Variants in HEATR5B observed in about 807,000 individuals in gnomAD.
HEATR5B encodes HEAT repeat containing 5B.
In HEATR5B, 156 loss-of-function variants were observed where a neutral mutation model predicts 224.1. The ratio of observed to expected loss-of-function variants is 0.70; its 90% CI spans 0.61 to 0.80. The LOEUF (loss-of-function observed/expected upper bound fraction) is 0.80. Ranked by LOEUF, HEATR5B falls within the 30% of genes least tolerant of loss-of-function variation. The probability of loss-of-function intolerance (pLI) is 0.00; values close to 1 mark genes in which losing one functional copy is unlikely to be tolerated. For missense variants in HEATR5B, 2,323 were observed against 2,535.5 expected, an observed-to-expected ratio of 0.92 and a Z score of 1.80; for synonymous variants, 1,027 against 893.0, an observed-to-expected ratio of 1.15 and a Z score of -2.68.
intron 4 of HEATR5B, among the ~76,000 whole-genome samples, chr2:37,076,319 C>T (rs914097521): frequency 6.6e-6 from 1 of 152,056 alleles, no homozygotes; most frequent in Non-Finnish European, 1.5e-5. Context: ...AATTCTAATC[C>T]AATGACTGGT....
Position 37,053,619 on chromosome 2 carries a change from A to G in HEATR5B, c.2400-12T>C. ...CCAACATTTGTAATCTATAACAATAAGAAAAAAAAATCACATTAGTGACAA... is the reference window on the plus strand; with the variant it reads ...CCAACATTTGTAATCTATAACAATAGGAAAAAAAAATCACATTAGTGACAA... On this transcript the variant is annotated splice_polypyrimidine_tract_variant and intron_variant, in intron 16 of 35. Coordinates refer to ENST00000233099, the MANE Select transcript of HEATR5B (RefSeq NM_019024.3). 1.3e-6 allele frequency: 2 copies of G among 1,542,990 alleles called. No individual in the cohort carries two copies. The highest frequency in any genetic ancestry group is 1.8e-6 in the Non-Finnish European group (2 of 1,126,146).
rs1285670975 is a variant in HEATR5B, at chr2:37,029,975, A to AT, written c.3362-1056_3362-1055insA. Among the ~76,000 whole-genome samples the AT allele has an allele frequency of 7.3e-5, 11 of 151,220 alleles. No homozygotes were observed. The South Asian group carries it at 8.3e-4, about 11-fold the overall frequency. ...AATAAATAAATAAATAAATAAATAA[A>AT]AATTGGGAAAATCCAAAGAGTAACA... On this transcript the variant is annotated intron_variant, in intron 22 of 35. Coordinates refer to ENST00000233099, the MANE Select transcript of HEATR5B (RefSeq NM_019024.3).
At chr2:36,985,120 A>T (rs1459848131) in intron 35 of HEATR5B, among the ~76,000 whole-genome samples, 1 of 152,198 alleles carries the variant, frequency 6.6e-6, no homozygotes, top group African/African-American at 2.4e-5. Context: ...AAGTTGAACG[A>T]CTTAAATTCA....
intron 24 of HEATR5B, among the ~76,000 whole-genome samples, chr2:37,022,793 G>C (rs1407595426): frequency 6.6e-6 from 1 of 152,126 alleles, no homozygotes; most frequent in East Asian, 1.9e-4. Flanking sequence ...GCAAGTCTCA[G>C]AATAATTAAA....
intron 24 of HEATR5B, among the ~76,000 whole-genome samples, chr2:37,025,133 C>A (rs775473975): frequency 6.6e-6 from 1 of 152,132 alleles, no homozygotes; most frequent in African/African-American, 2.4e-5. Context: ...TCTGCCATGA[C>A]TGTTCAGAAT....
Position 37,060,729 on chromosome 2 carries a change from T to A in HEATR5B, c.1701A>T (p.Pro567=), listed in dbSNP as rs1219495212. The A allele has an allele frequency of 6.2e-7, 1 of 1,612,956 alleles. No individual in the cohort carries two copies. The highest frequency in any genetic ancestry group is 8.5e-7 in the Non-Finnish European group (1 of 1,179,350). Residue 567 remains proline, a synonymous_variant, in exon 12 of 36, where the codon CCA becomes CCT. Coordinates refer to ENST00000233099, the MANE Select transcript of HEATR5B (RefSeq NM_019024.3). ...TGGGCAGATGGTAACGAACGACAGA[T>A]GGTCCTAGCCAAGAAAATGAGAATA... is the stretch of plus-strand genomic sequence containing the variant. ...LLLGALMTLG[P]SVVRYHLPKM...
chr2:37,043,238 G>C (rs1669986708), intron 18 of HEATR5B, among the ~76,000 whole-genome samples: 1 of 152,182 alleles, frequency 6.6e-6, no homozygotes, highest in Non-Finnish European at 1.5e-5. Context: ...ACAGGAGATG[G>C]AACATGGCTT....
intron 26 of HEATR5B, among the ~76,000 whole-genome samples, chr2:37,017,641 C>G (rs552407407): frequency 7.6e-6 from 1 of 131,234 alleles, no homozygotes; most frequent in South Asian, 2.5e-4. Flanking sequence ...AGCCAAGATT[C>G]ATGCCACTGT....
chr2:37,081,623 A>C (rs1572958658), intron 2 of HEATR5B, among the ~76,000 whole-genome samples: 1 of 152,260 alleles, frequency 6.6e-6, no homozygotes, highest in East Asian at 1.9e-4. Context: ...GGAATGGTTG[A>C]GAGTCTAATA....
At chr2:37,028,541 CAG>C (rs900504669) in intron 23 of HEATR5B, 138 bp downstream of exon 23, 18 of 623,130 alleles carry the variant, frequency 2.9e-5, no homozygotes, top group African/African-American at 1.1e-4. Flanking sequence ...AACATTTTGA[CAG>C]AGATTTGTAG....
chr2:37,036,516 GTTT>G (rs72243792), intron 21 of HEATR5B, among the ~76,000 whole-genome samples: 4 of 148,516 alleles, frequency 2.7e-5, no homozygotes, highest in African/African-American at 7.5e-5. Context: ...AATATCAATT[GTTT>G]TTTTTTTTTG....
intron 20 of HEATR5B, among the ~76,000 whole-genome samples, chr2:37,039,099 G>A (rs1405812288): frequency 6.6e-6 from 1 of 151,652 alleles, no homozygotes; most frequent in African/African-American, 2.4e-5. Flanking sequence ...GATGGGAGTG[G>A]GAGGATTGCT....
At chr2:37,008,475 G>A in intron 28 of HEATR5B, 136 bp downstream of exon 28, 1 of 671,542 alleles carries the variant, frequency 1.5e-6, no homozygotes, top group Non-Finnish European at 2.6e-6. Context: ...TATTCTAACT[G>A]AGACAACATC....
chr2:37,000,915 G>GT (rs1268280785), intron 32 of HEATR5B, 102 bp from the exon 33 acceptor site: 1 of 733,342 alleles, frequency 1.4e-6, no homozygotes. Context: ...GTTTAATATT[G>GT]TTTTTTTCCT....
intron 33 of HEATR5B, among the ~76,000 whole-genome samples, chr2:36,997,381 G>T (rs969799665): frequency 2.0e-5 from 3 of 151,534 alleles, no homozygotes; most frequent in African/African-American, 7.3e-5. Flanking sequence ...TAGAGACAGG[G>T]TCTCACTATA....
At chr2:37,030,877 G>C (rs973457040) in intron 22 of HEATR5B, among the ~76,000 whole-genome samples, 1 of 152,206 alleles carries the variant, frequency 6.6e-6, no homozygotes, top group Non-Finnish European at 1.5e-5. Flanking sequence ...CCCTTGGCTA[G>C]CATCTGGGAA....
intron 26 of HEATR5B, among the ~76,000 whole-genome samples, chr2:37,018,228 TAA>T (rs1022172935): frequency 6.6e-6 from 1 of 151,360 alleles, no homozygotes; most frequent in African/African-American, 2.4e-5. Flanking sequence ...ACAAAAGAAA[TAA>T]GTTTAAGGCA....
chr2:37,005,952 G>C (rs1028490027), intron 29 of HEATR5B, among the ~76,000 whole-genome samples, 193 bp from the exon 30 acceptor site: 8 of 152,110 alleles, frequency 5.3e-5, no homozygotes, highest in Admixed American at 5.2e-4. Flanking sequence ...TTGCAATTAG[G>C]TTAATATTCA....
intron 12 of HEATR5B, among the ~76,000 whole-genome samples, chr2:37,059,231 G>A (rs79591323): frequency 0.034 from 5,179 of 151,040 alleles, 122 homozygotes; most frequent in Non-Finnish European, 0.052. Context: ...GATTCTTCGG[G>A]TGGAAATTCA....
Sources: allele counts gnomAD v4.1 joint callset (sites outside exome capture counted in the v4.1 genomes callset), GRCh38; gene constraint gnomAD v4.1.1; transcripts MANE v1.5; gene names NCBI Gene and HGNC (gene_info 2026-07-23, HGNC 2026-07-21).